ARIH2: variants seen among roughly 807,000 people sequenced by gnomAD.
ARIH2 encodes E3 ubiquitin-protein ligase ARIH2.
A neutral mutation model predicts 79.8 loss-of-function variants in ARIH2; 12 were observed. That is an observed-to-expected ratio of 0.15 (90% CI 0.10 to 0.24). The LOEUF (loss-of-function observed/expected upper bound fraction) is 0.24. ARIH2 is among the 10% of genes least tolerant of loss of function. The pLI, the probability that ARIH2 is intolerant of heterozygous loss-of-function variation, is 1.00. For synonymous variants in ARIH2, 224 were observed against 213.9 expected (o/e 1.05, Z -0.41); for missense variants, 301 against 618.3 (o/e 0.49, Z 5.44).
intron 7 of ARIH2, 56 bp downstream of exon 7, chr3:48,968,711 G>C: frequency 6.3e-7 from 1 of 1,576,212 alleles, no homozygotes; most frequent in Non-Finnish European, 8.6e-7. Flanking sequence ...TCCATCAGAG[G>C]GTCACCACAG....
intron 3 of ARIH2, among the ~76,000 whole-genome samples, chr3:48,946,741 C>A (rs545961767): frequency 6.6e-6 from 1 of 152,038 alleles, no homozygotes; most frequent in East Asian, 2.0e-4. Context: ...TAGCGTCTAA[C>A]CCATTGTGGT....
intron 3 of ARIH2, among the ~76,000 whole-genome samples, chr3:48,940,374 TTAGA>T (rs1385567755): frequency 1.3e-5 from 2 of 151,624 alleles, no homozygotes; most frequent in Admixed American, 6.6e-5. Flanking sequence ...GATAGATAGA[TTAGA>T]TAGATAAAAA....
chr3:48,928,076 A>C, intron 3 of ARIH2: 1 of 450,544 alleles, frequency 2.2e-6, no homozygotes, highest in East Asian at 4.0e-5. Context: ...CATACCAGAA[A>C]TGTGTAGTAG....
intron 11 of ARIH2, among the ~76,000 whole-genome samples, chr3:48,975,800 TG>T (rs1393053585): frequency 2.0e-5 from 3 of 152,132 alleles, no homozygotes; most frequent in African/African-American, 4.8e-5. Context: ...TGACCTCAGG[TG>T]ATCTCCCTAC....
intron 4 of ARIH2, 107 bp from the exon 5 acceptor site, chr3:48,964,812 A>T (rs998327943): frequency 9.5e-6 from 8 of 839,400 alleles, no homozygotes; most frequent in African/African-American, 5.1e-5. Flanking sequence ...TTCTGTGAGA[A>T]AGTAGAGACA....
Position 48,932,488 on chromosome 3 carries a change from A to G in ARIH2, c.255+4675A>G, listed in dbSNP as rs545707738. Among the ~76,000 whole-genome samples, 7 of 152,350 alleles carry G rather than the reference A, an allele frequency of 4.6e-5. No homozygotes were observed. The South Asian group carries it at 1.4e-3, about 32-fold the overall frequency. On this transcript the variant is annotated intron_variant, in intron 3 of 15. Coordinates refer to ENST00000356401, the MANE Select transcript of ARIH2 (RefSeq NM_006321.4). ...ATAGATGAAAGAGGTCCTTCTTGTA[A>G]CCATAAGCATTTTTATTACAAAATG... is the stretch of plus-strand genomic sequence containing the variant.
At chr3:48,982,586 T>C (rs2092788957) in intron 14 of ARIH2, 1 of 268,504 alleles carries the variant, frequency 3.7e-6, no homozygotes. Context: ...ACTTATTTTT[T>C]ACAGCATCCA....
In ARIH2 at chr3:48,962,530, G is replaced by A. The variant is rs764022274; in HGVS notation, c.323+851G>A. On this transcript the variant is annotated intron_variant, in intron 4 of 15. Coordinates refer to ENST00000356401, the MANE Select transcript of ARIH2 (RefSeq NM_006321.4). ...ATGTCTTACAAGTTGTCAGGAAAAG[G>A]GGCACCTCCTCCTCTGCATCCTCTG... 3.3e-5 allele frequency among the ~76,000 whole-genome samples: 5 copies of A among 152,192 alleles called. No homozygotes were observed. The South Asian group carries it at 1.0e-3, about 32-fold the overall frequency.
chr3:48,973,569 C>CT, intron 8 of ARIH2, 130 bp from the exon 9 acceptor site: 1 of 613,038 alleles, frequency 1.6e-6, no homozygotes. Flanking sequence ...GAGCAAGACT[C>CT]TGTCTCAAAA....
intron 11 of ARIH2, 180 bp downstream of exon 11, chr3:48,975,159 C>G: frequency 2.0e-6 from 2 of 979,082 alleles, no homozygotes; most frequent in Non-Finnish European, 3.0e-6. Flanking sequence ...TTTTTGGTCC[C>G]TCTTATAATC....
At chr3:48,956,725 G>T (rs1341743528) in intron 3 of ARIH2, among the ~76,000 whole-genome samples, 1 of 151,122 alleles carries the variant, frequency 6.6e-6, no homozygotes, top group East Asian at 1.9e-4. Flanking sequence ...TTGAGATGGA[G>T]TTTTGCTCTA....
intron 3 of ARIH2, among the ~76,000 whole-genome samples, chr3:48,936,274 G>T (rs1192445095): frequency 6.6e-6 from 1 of 152,062 alleles, no homozygotes; most frequent in South Asian, 2.1e-4. Context: ...AAAGAGGGAA[G>T]AATTGTAGGA....
chr3:48,954,996 G>A (rs2090413901), intron 3 of ARIH2, among the ~76,000 whole-genome samples: 1 of 152,130 alleles, frequency 6.6e-6, no homozygotes, highest in Non-Finnish European at 1.5e-5. Context: ...TCAGGAGTTC[G>A]AGACCAGCCT....
chr3:48,952,561 G>T (rs541505368), intron 3 of ARIH2, among the ~76,000 whole-genome samples: 1 of 152,316 alleles, frequency 6.6e-6, no homozygotes, highest in East Asian at 1.9e-4. Context: ...AGGCCCTTCT[G>T]ATGGGAGTGC....
chr3:48,983,927 C>G lies in ARIH2; in HGVS notation c.*657C>G, dbSNP rs548387374. 1.3e-5 allele frequency: 2 copies of G among 152,576 alleles called. No individual in the cohort carries two copies. The highest frequency in any genetic ancestry group is 4.8e-5 in the African/African-American group (2 of 41,546). The allele number at this position is 152,576 out of a possible 1,614,324, so 9.5% of individuals were successfully genotyped here. ...GTACGGAGACAGTCCAGAACATGGTCTTCTTGCCACGGGGTGTTGTTGTCT... is the reference window on the plus strand; with the variant it reads ...GTACGGAGACAGTCCAGAACATGGTGTTCTTGCCACGGGGTGTTGTTGTCT... On this transcript the variant is annotated 3_prime_UTR_variant, in exon 16 of 16. Transcript: ENST00000356401.
rs185757664 is a variant in ARIH2 at position 48,983,255 on chromosome 3, T to C, written c.1467T>C (p.Asp489=). 1.2e-5 allele frequency: 20 copies of C among 1,614,132 alleles called. No individual in the cohort carries two copies. In the Admixed American group the frequency reaches 3.3e-4, roughly 27 times the overall value. The change falls in exon 16 of 16, where the codon GAT becomes GAC. Residue 489 remains aspartate, a synonymous_variant. Transcript: ENST00000356401. The part of the protein sequence containing the change: ...AEQRRRTLLK[D]FHDT ...AGCGGAGGAGAACCCTGCTGAAAGA[T>C]TTCCATGACACCTAAGTTGGGATGT...
intron 14 of ARIH2, among the ~76,000 whole-genome samples, chr3:48,982,278 C>T (rs574304723): frequency 6.6e-6 from 1 of 152,018 alleles, no homozygotes; most frequent in African/African-American, 2.4e-5. Flanking sequence ...TTATATATAA[C>T]ATTTTATTGT....
chr3:48,970,533 G>A, intron 7 of ARIH2, 62 bp from the exon 8 acceptor site: 1 of 1,087,808 alleles, frequency 9.2e-7, no homozygotes, highest in Non-Finnish European at 1.4e-6. Flanking sequence ...TATTCAGGGG[G>A]TTCTGATTTT....
chr3:48,943,876 C>T (rs1255105122), intron 3 of ARIH2, among the ~76,000 whole-genome samples: 2 of 152,142 alleles, frequency 1.3e-5, no homozygotes, highest in Non-Finnish European at 2.9e-5. Flanking sequence ...TGCCTCCTTA[C>T]AGTAGCAGTA....
Sources: allele counts gnomAD v4.1 joint callset (sites outside exome capture counted in the v4.1 genomes callset), GRCh38; gene constraint gnomAD v4.1.1; transcripts MANE v1.5; gene names NCBI Gene and HGNC (gene_info 2026-07-23, HGNC 2026-07-21).